The following XXYLT1 variants were observed in gnomAD, a reference collection of about 807,000 sequenced individuals.
XXYLT1 encodes UDP-xylose:alpha-xyloside alpha-1,3-xylosyltransferase.
A neutral mutation model predicts 28.9 loss-of-function variants in XXYLT1; 20 were observed. That is an observed-to-expected ratio of 0.69 (90% CI 0.49 to 1.00). The LOEUF (loss-of-function observed/expected upper bound fraction) is 1.00. Ranked by LOEUF, XXYLT1 falls within the 50% of genes least tolerant of loss-of-function variation. The pLI is 0.00. For synonymous variants in XXYLT1, 257 were observed against 253.8 expected (o/e 1.01, Z -0.12); for missense variants, 542 against 560.1 (o/e 0.97, Z 0.33).
At chr3:195,146,801 G>A (rs1225264746) in intron 3 of XXYLT1, 2 of 152,888 alleles carry the variant, frequency 1.3e-5, no homozygotes, top group Non-Finnish European at 2.9e-5. Context: ...TTACTAATCA[G>A]CACAGGAGTT....
intron 3 of XXYLT1, among the ~76,000 whole-genome samples, chr3:195,123,387 A>T (rs370626577): frequency 1.5e-4 from 23 of 152,144 alleles, no homozygotes; most frequent in Non-Finnish European, 2.6e-4. Context: ...CAGAGGGCTT[A>T]ATCTGTACCA....
At chr3:195,074,411 C>T (rs1456439002) in intron 3 of XXYLT1, among the ~76,000 whole-genome samples, 1 of 152,246 alleles carries the variant, frequency 6.6e-6, no homozygotes, top group Non-Finnish European at 1.5e-5. Flanking sequence ...GCTGTGCAGT[C>T]AGTGAGGCCT....
intron 2 of XXYLT1, among the ~76,000 whole-genome samples, chr3:195,200,432 G>A (rs913390792): frequency 7.9e-5 from 12 of 152,348 alleles, no homozygotes; most frequent in African/African-American, 2.4e-4. Flanking sequence ...AATAATAGTG[G>A]TGGTGGAAAC....
At chr3:195,070,371 C>T (rs940069350) in intron 3 of XXYLT1, among the ~76,000 whole-genome samples, 1 of 151,954 alleles carries the variant, frequency 6.6e-6, no homozygotes, top group Non-Finnish European at 1.5e-5. Flanking sequence ...ATGTACCAGG[C>T]GCCATACTAG....
At chr3:195,101,371 T>A (rs1157086996) in intron 3 of XXYLT1, among the ~76,000 whole-genome samples, 1 of 152,264 alleles carries the variant, frequency 6.6e-6, no homozygotes, top group East Asian at 1.9e-4. Context: ...CTGGTTAGTA[T>A]CTTTACTCTC....
At chr3:195,131,198 C>T (rs1177217961) in intron 3 of XXYLT1, among the ~76,000 whole-genome samples, 1 of 152,204 alleles carries the variant, frequency 6.6e-6, no homozygotes, top group African/African-American at 2.4e-5. Context: ...ACTACCTGAC[C>T]CCCACATTGC....
chr3:195,208,482 C>CA (rs1036027040), intron 2 of XXYLT1, among the ~76,000 whole-genome samples: 2 of 151,284 alleles, frequency 1.3e-5, no homozygotes, highest in African/African-American at 4.9e-5. Flanking sequence ...GGACCAACCA[C>CA]AACAAAAAAA....
At chr3:195,087,740 A>G (rs927943414) in intron 3 of XXYLT1, among the ~76,000 whole-genome samples, 66 of 152,304 alleles carry the variant, frequency 4.3e-4, no homozygotes, top group African/African-American at 1.5e-3. Flanking sequence ...GACGCAGAAG[A>G]CGGTGATTTC....
intron 3 of XXYLT1, among the ~76,000 whole-genome samples, chr3:195,118,609 G>T (rs1474847904): frequency 6.6e-6 from 1 of 150,772 alleles, no homozygotes; most frequent in Non-Finnish European, 1.5e-5. Context: ...CAAGCTGGGG[G>T]AGAATGCAGC....
intron 3 of XXYLT1, among the ~76,000 whole-genome samples, chr3:195,132,561 G>T (rs770007492): frequency 6.6e-6 from 1 of 152,174 alleles, no homozygotes; most frequent in African/African-American, 2.4e-5. Flanking sequence ...TACAAACTAT[G>T]TCTCTGTTCA....
At chr3:195,112,845 A>G (rs1412055791) in intron 3 of XXYLT1, among the ~76,000 whole-genome samples, 1 of 148,548 alleles carries the variant, frequency 6.7e-6, no homozygotes, top group African/African-American at 2.5e-5. Context: ...ACGCACACAC[A>G]CCCACACGCA....
In XXYLT1 at chr3:195,069,663, C is replaced by A. The variant is rs1327380756; in HGVS notation, c.*52G>T. ...CTGCCCTTGGGTCTGTCCCAAGGAACCCTGTCCTTCCCCCAGATCTGGAGG... is the reference window on the plus strand; with the variant it reads ...CTGCCCTTGGGTCTGTCCCAAGGAAACCTGTCCTTCCCCCAGATCTGGAGG... On this transcript the variant is annotated 3_prime_UTR_variant, in exon 4 of 4. Transcript: ENST00000310380. The A allele has an allele frequency of 1.9e-6, 3 of 1,563,398 alleles. No homozygotes were observed. Among genetic ancestry groups the A allele is most frequent in the Admixed American group, 1.8e-5 (1 of 56,300 alleles).
At chr3:195,190,554 G>C (rs961876925) in intron 2 of XXYLT1, among the ~76,000 whole-genome samples, 1 of 149,814 alleles carries the variant, frequency 6.7e-6, no homozygotes, top group Non-Finnish European at 1.5e-5. Context: ...AGGAAATGAT[G>C]GCAGATGGTA....
rs1219455287 is a variant in XXYLT1, at chr3:195,255,008, C to A, written c.504+15547G>T. On this transcript the variant is annotated intron_variant, in intron 1 of 3. Coordinates refer to ENST00000310380, the MANE Select transcript of XXYLT1 (RefSeq NM_152531.5). This position sits in a 1 kb window ranked among gnomAD's most constrained non-coding sequence, Gnocchi z 4.5. ...AGACACACGCCCATTCCCACACCCG[C>A]TGCACAGGAAAGAGAAAGAAGTCAG... Among the ~76,000 whole-genome samples, 1 of 152,164 alleles carries A rather than the reference C, an allele frequency of 6.6e-6. No individual in the cohort carries two copies. The highest frequency in any genetic ancestry group is 1.9e-4 in the East Asian group (1 of 5,180).
intron 2 of XXYLT1, among the ~76,000 whole-genome samples, chr3:195,166,810 T>A (rs1321541043): frequency 5.3e-5 from 8 of 152,172 alleles, no homozygotes; most frequent in Non-Finnish European, 7.4e-5. Context: ...GCCTCCCAAG[T>A]AGCTGGGATT....
chr3:195,108,603 G>A (rs993120252), intron 3 of XXYLT1, among the ~76,000 whole-genome samples: 2 of 152,184 alleles, frequency 1.3e-5, no homozygotes, highest in Admixed American at 1.3e-4. Flanking sequence ...AAACCTAGAT[G>A]GTATTGCCCA....
intron 2 of XXYLT1, among the ~76,000 whole-genome samples, chr3:195,200,638 G>A (rs1722812519): frequency 6.6e-6 from 1 of 152,190 alleles, no homozygotes; most frequent in South Asian, 2.1e-4. Context: ...CACAGCCTGT[G>A]CAGGGCAGGA....
chr3:195,155,675 C>A (rs1404015967), intron 3 of XXYLT1, among the ~76,000 whole-genome samples: 1 of 150,828 alleles, frequency 6.6e-6, no homozygotes. Context: ...CCGCCTGCCA[C>A]GCCGGCTTTG....
chr3:195,107,542 AGG>A lies in XXYLT1; in HGVS notation c.786-37433_786-37432del, dbSNP rs1209298803. Among the ~76,000 whole-genome samples the A allele has an allele frequency of 3.5e-3, 20 of 5,762 alleles. 1 individual carries two copies. The highest frequency in any genetic ancestry group is 0.012 in the African/African-American group (19 of 1,588). 3.8% of individuals were successfully genotyped at this position (5,762 alleles called of 152,430 possible). On this transcript the variant is annotated intron_variant, in intron 3 of 3. Transcript: ENST00000310380. ...AGGAGGAGGAAGGAGGAGGAGGGGGAGGAGGAGGGGGAAGAGGGGGAGAGGAG... is the reference window on the plus strand; with the variant it reads ...AGGAGGAGGAAGGAGGAGGAGGGGGAAGGAGGGGGAAGAGGGGGAGAGGAG...
Sources: allele counts gnomAD v4.1 joint callset (sites outside exome capture counted in the v4.1 genomes callset), GRCh38; gene constraint gnomAD v4.1.1; non-coding constraint Gnocchi (gnomAD v3.1); transcripts MANE v1.5; gene names NCBI Gene and HGNC (gene_info 2026-07-23, HGNC 2026-07-21).